Variants in DCC observed in about 807,000 individuals in gnomAD.
The protein encoded by DCC is DCC netrin 1 receptor.
DCC carries 58 observed loss-of-function variants against 172.5 expected under a neutral mutation model. The observed-to-expected ratio is 0.34, with a 90% CI of 0.27 to 0.42. DCC has a LOEUF of 0.42. DCC is among the 10% of genes least tolerant of loss of function. The pLI, the probability that DCC is intolerant of heterozygous loss-of-function variation, is 1.00. For missense variants in DCC, 1,740 were observed against 1,791.0 expected, an observed-to-expected ratio of 0.97 and a Z score of 0.51; for synonymous variants, 709 against 644.5, an observed-to-expected ratio of 1.10 and a Z score of -1.52.
At chr18:53,152,973 C>A (rs2054667019) in intron 7 of DCC, among the ~76,000 whole-genome samples, 1 of 152,182 alleles carries the variant, frequency 6.6e-6, no homozygotes, top group Admixed American at 6.5e-5. Context: ...AAGACACTCC[C>A]TGAAGCCTAA....
chr18:52,368,346 G>A (rs543062452), intron 1 of DCC, among the ~76,000 whole-genome samples: 2 of 152,030 alleles, frequency 1.3e-5, no homozygotes, highest in South Asian at 4.2e-4. Context: ...TTGTTTTGGG[G>A]GCTGGAGGCT....
chr18:52,871,322 C>CT (rs77020050), intron 2 of DCC, among the ~76,000 whole-genome samples: 12,256 of 145,450 alleles, frequency 0.084, 516 homozygotes, highest in African/African-American at 0.096. Context: ...AGAACAGTGT[C>CT]TTTTTTTTTT....
rs948897765 is a variant in DCC, at chr18:52,424,088, G to C, written c.91+83210G>C. On this transcript the variant is annotated intron_variant, in intron 1 of 28. Coordinates refer to ENST00000442544, the MANE Select transcript of DCC (RefSeq NM_005215.4). ...TGTGGATGTTGATGAACTTCTATGTGTATGAAAATTGGTTTGCTTATTTTA... is the reference window on the plus strand; with the variant it reads ...TGTGGATGTTGATGAACTTCTATGTCTATGAAAATTGGTTTGCTTATTTTA... Among the ~76,000 whole-genome samples the C allele has an allele frequency of 1.3e-5, 2 of 152,086 alleles. 1 individual carries two copies. The highest frequency in any genetic ancestry group is 4.1e-4 in the South Asian group (2 of 4,832).
intron 2 of DCC, among the ~76,000 whole-genome samples, chr18:52,851,874 T>G (rs1002564425): frequency 3.3e-5 from 5 of 152,150 alleles, no homozygotes; most frequent in Non-Finnish European, 7.4e-5. Context: ...ATTATGATCT[T>G]ACCAGTGGGT....
At chr18:53,414,355 A>G (rs938440748) in intron 20 of DCC, among the ~76,000 whole-genome samples, 2 of 152,148 alleles carry the variant, frequency 1.3e-5, no homozygotes, top group African/African-American at 2.4e-5. Flanking sequence ...TTTTACCACA[A>G]TAAATAATAA....
At chr18:52,505,470 G>T (rs2031195590) in intron 1 of DCC, among the ~76,000 whole-genome samples, 1 of 151,964 alleles carries the variant, frequency 6.6e-6, no homozygotes, top group African/African-American at 2.4e-5. Context: ...TTAATTTTTA[G>T]AACAAAATAT....
At chr18:52,862,994 T>C (rs764385550) in intron 2 of DCC, among the ~76,000 whole-genome samples, 4 of 152,140 alleles carry the variant, frequency 2.6e-5, no homozygotes, top group Non-Finnish European at 5.9e-5. Flanking sequence ...CTAATTTTAA[T>C]AAAATTTATT....
chr18:52,438,948 A>G (rs1033319566), intron 1 of DCC, among the ~76,000 whole-genome samples: 1 of 152,168 alleles, frequency 6.6e-6, no homozygotes, highest in Non-Finnish European at 1.5e-5. Flanking sequence ...GAAAAGATCA[A>G]TCAAAGGCAT....
Position 53,108,614 on chromosome 18 carries a change from T to C in DCC, c.1261+42448T>C, listed in dbSNP as rs112909026. Among the ~76,000 whole-genome samples, 1,467 of 151,924 alleles carry C rather than the reference T, an allele frequency of 9.7e-3. 32 individuals are homozygous for C. The highest frequency in any genetic ancestry group is 0.033 in the African/African-American group (1,363 of 41,516). ...TTGTTTCTAACTTTTATGAGAGTTG[T>C]ACTTCCCAAGCACCCATCCAGAAAC... On this transcript the variant is annotated intron_variant, in intron 7 of 28. Coordinates refer to ENST00000442544, the MANE Select transcript of DCC (RefSeq NM_005215.4).
chr18:52,899,692 C>G (rs149723883), intron 2 of DCC, among the ~76,000 whole-genome samples: 1 of 151,708 alleles, frequency 6.6e-6, no homozygotes, highest in Non-Finnish European at 1.5e-5. Context: ...GACAGAATCT[C>G]TCTATCGTGA....
At chr18:52,613,790 GA>G (rs2034321612) in intron 1 of DCC, among the ~76,000 whole-genome samples, 1 of 152,130 alleles carries the variant, frequency 6.6e-6, no homozygotes, top group African/African-American at 2.4e-5. Context: ...CCAGGTGGAG[GA>G]AATTCTGGGT....
intron 1 of DCC, among the ~76,000 whole-genome samples, chr18:52,583,005 C>T (rs191006041): frequency 5.9e-4 from 90 of 152,106 alleles, no homozygotes; most frequent in African/African-American, 1.9e-3. Context: ...ATAATCAACA[C>T]GGCAAAAATT....
At chr18:52,863,393 A>G (rs777324882) in intron 2 of DCC, among the ~76,000 whole-genome samples, 3 of 151,852 alleles carry the variant, frequency 2.0e-5, no homozygotes, top group Admixed American at 6.5e-5. Flanking sequence ...TTATAAATAC[A>G]TATCGTATAA....
At chr18:52,356,421 G>A (rs992081780) in intron 1 of DCC, among the ~76,000 whole-genome samples, 13 of 152,146 alleles carry the variant, frequency 8.5e-5, no homozygotes, top group South Asian at 2.1e-4. Context: ...CGTAAAGGGT[G>A]TTAGCTAGTT....
intron 12 of DCC, among the ~76,000 whole-genome samples, chr18:53,285,521 T>C (rs894855745): frequency 2.6e-5 from 4 of 152,208 alleles, no homozygotes; most frequent in African/African-American, 9.7e-5. Flanking sequence ...TGTATGGAAA[T>C]GCCTGGATGC....
intron 7 of DCC, among the ~76,000 whole-genome samples, chr18:53,116,246 A>C (rs973343938): frequency 1.3e-5 from 2 of 151,766 alleles, no homozygotes; most frequent in African/African-American, 4.8e-5. Context: ...TACACTCCAC[A>C]GTGTGGGAGC....
chr18:52,427,363 G>A (rs1034475374), intron 1 of DCC, among the ~76,000 whole-genome samples: 7 of 151,586 alleles, frequency 4.6e-5, no homozygotes, highest in African/African-American at 1.7e-4. Context: ...CACTTTTTGA[G>A]AATTTTTTTT....
At chr18:52,883,326 TTTTATTTATTTA>T (rs1555677283) in intron 2 of DCC, among the ~76,000 whole-genome samples, 1 of 61,922 alleles carries the variant, frequency 1.6e-5, no homozygotes, top group African/African-American at 5.1e-5. Flanking sequence ...TTATTTTATT[TTTTATTTATTTA>T]TTTATTTATT....
At chr18:52,944,583 A>G (rs1021684611) in intron 5 of DCC, among the ~76,000 whole-genome samples, 41 of 152,344 alleles carry the variant, frequency 2.7e-4, no homozygotes, top group African/African-American at 9.4e-4. Flanking sequence ...TAAAAAGCAA[A>G]AGAAGTCTAT....
Sources: allele counts gnomAD v4.1 joint callset (sites outside exome capture counted in the v4.1 genomes callset), GRCh38; gene constraint gnomAD v4.1.1; transcripts MANE v1.5; gene names NCBI Gene and HGNC (gene_info 2026-07-23, HGNC 2026-07-21).